Variants in USP15 observed in about 807,000 individuals in gnomAD.
The protein encoded by USP15 is ubiquitin specific peptidase 15.
A neutral mutation model predicts 127.1 loss-of-function variants in USP15; 18 were observed. The ratio of observed to expected loss-of-function variants is 0.14; its 90% CI spans 0.10 to 0.21. The LOEUF (loss-of-function observed/expected upper bound fraction) is 0.21, where lower values mean the gene tolerates loss of function less well. USP15 is among the 10% of genes least tolerant of loss of function. The pLI, the probability that USP15 is intolerant of heterozygous loss-of-function variation, is 1.00. For missense variants in USP15, 805 were observed against 1,159.9 expected (o/e 0.69, Z 4.44); for synonymous variants, 364 against 393.7 (o/e 0.92, Z 0.89).
chr12:62,348,084 C>T (rs2065870716), intron 6 of USP15, among the ~76,000 whole-genome samples: 1 of 151,924 alleles, frequency 6.6e-6, no homozygotes, highest in African/African-American at 2.4e-5. Context: ...TGGCACACGC[C>T]TATAGTTTCA....
rs1473231687 is a variant in USP15 at position 62,389,906 on chromosome 12, C to G, written c.1762C>G (p.Leu588Val). 6.2e-7 allele frequency: 1 copy of G among 1,613,866 alleles called. No homozygotes were observed. The highest frequency in any genetic ancestry group is 1.7e-5 in the Admixed American group (1 of 60,008). Reference sequence around the variant, plus strand: ...TTATACCCACCATACTGGTTCTTCACTTTTTGGTCAGCCCTTTCTTATGGC... The same window carrying G: ...TTATACCCACCATACTGGTTCTTCAGTTTTTGGTCAGCCCTTTCTTATGGC... Reference protein sequence around the residue: ...SSYTHHTGSSLFGQPFLMAVP... With the variant: ...SSYTHHTGSSVFGQPFLMAVP... Residue 588 changes from leucine to valine, a missense_variant, in exon 14 of 22, where the codon CTT becomes GTT. By Grantham distance (32) the Leu-to-Val change is conservative. Coordinates refer to ENST00000280377, the MANE Select transcript of USP15 (RefSeq NM_001252078.2).
chr12:62,261,331 A>G lies in USP15; in HGVS notation c.89+828A>G, dbSNP rs1159655944. ...TATGTGGACATTTTCACACTTGTCGACCATATCAAGTGGCATCTACAATAA... is the reference window on the plus strand; with the variant it reads ...TATGTGGACATTTTCACACTTGTCGGCCATATCAAGTGGCATCTACAATAA... On this transcript the variant is annotated intron_variant, in intron 1 of 21. Transcript: ENST00000280377. Among the ~76,000 whole-genome samples, 4 of 152,242 alleles carry G rather than the reference A, an allele frequency of 2.6e-5. 1 individual carries two copies. In the South Asian group the frequency reaches 6.2e-4, roughly 24 times the overall value.
At chr12:62,325,965 A>G (rs191488384) in intron 6 of USP15, 32 bp downstream of exon 6, 16 of 1,578,500 alleles carry the variant, frequency 1.0e-5, no homozygotes, top group Non-Finnish European at 1.4e-5. Flanking sequence ...GGCTTATTGT[A>G]TGATTTTGAA....
chr12:62,330,585 C>CA (rs559515896), intron 6 of USP15, among the ~76,000 whole-genome samples: 29,305 of 95,172 alleles, frequency 0.31, 4,070 homozygotes, highest in African/African-American at 0.48. Flanking sequence ...GACTCCATCT[C>CA]AAAAAAAAAA....
chr12:62,384,345 T>C, intron 11 of USP15, 43 bp downstream of exon 11: 1 of 866,562 alleles, frequency 1.2e-6, no homozygotes, highest in Non-Finnish European at 1.7e-6. Flanking sequence ...TTTTTTTTTT[T>C]TGCATTTGTT....
At chr12:62,328,567 A>G (rs2065198990) in intron 6 of USP15, among the ~76,000 whole-genome samples, 1 of 152,248 alleles carries the variant, frequency 6.6e-6, no homozygotes, top group Admixed American at 6.5e-5. Flanking sequence ...TTATTAGAAA[A>G]TAAAAGATTG....
intron 1 of USP15, among the ~76,000 whole-genome samples, chr12:62,280,844 A>C (rs1380941925): frequency 6.6e-6 from 1 of 152,320 alleles, no homozygotes; most frequent in East Asian, 1.9e-4. Flanking sequence ...CTAAAGAGGT[A>C]GCTAGGGATT....
intron 4 of USP15, among the ~76,000 whole-genome samples, chr12:62,319,617 A>G (rs1322372419): frequency 6.6e-6 from 1 of 152,174 alleles, no homozygotes; most frequent in Admixed American, 6.6e-5. Context: ...AAACATGCCA[A>G]GCACATTTGC....
chr12:62,352,276 A>G (rs1043782752), intron 7 of USP15, among the ~76,000 whole-genome samples: 2 of 151,866 alleles, frequency 1.3e-5, no homozygotes, highest in African/African-American at 4.8e-5. Flanking sequence ...ATAAGTTTTT[A>G]TTAAAAACCA....
chr12:62,347,913 A>G (rs902352389), intron 6 of USP15, among the ~76,000 whole-genome samples: 1 of 152,198 alleles, frequency 6.6e-6, no homozygotes. Flanking sequence ...TAAAAGTTAA[A>G]TTAGGCCTGG....
intron 6 of USP15, among the ~76,000 whole-genome samples, chr12:62,346,652 T>C (rs917937756): frequency 6.6e-5 from 10 of 152,216 alleles, no homozygotes; most frequent in Non-Finnish European, 4.4e-5. Context: ...CTCCCAATCT[T>C]CAGTCTTTTT....
chr12:62,384,413 C>G, intron 11 of USP15, 111 bp downstream of exon 11: 1 of 774,890 alleles, frequency 1.3e-6, no homozygotes, highest in Non-Finnish European at 1.9e-6. Flanking sequence ...ATTGAATTAT[C>G]AAGCCCAATC....
chr12:62,285,655 A>G (rs1158562219), intron 1 of USP15, among the ~76,000 whole-genome samples: 2 of 152,168 alleles, frequency 1.3e-5, no homozygotes, highest in African/African-American at 2.4e-5. Context: ...GTGTATCCAT[A>G]TATGCTACAT....
intron 2 of USP15, among the ~76,000 whole-genome samples, chr12:62,295,328 A>G (rs1337897217): frequency 6.6e-6 from 1 of 152,226 alleles, no homozygotes; most frequent in Non-Finnish European, 1.5e-5. Context: ...ACTTCTGAGA[A>G]CAGTTTTACT....
intron 11 of USP15, among the ~76,000 whole-genome samples, chr12:62,388,117 ATT>A (rs58192089): frequency 0.25 from 26,409 of 105,006 alleles, 1,572 homozygotes; most frequent in East Asian, 0.34. Flanking sequence ...AATGGTGAAG[ATT>A]TTTTTTTTTT....
chr12:62,302,474 A>G (rs140702243), intron 2 of USP15, among the ~76,000 whole-genome samples: 1 of 152,344 alleles, frequency 6.6e-6, no homozygotes, highest in East Asian at 1.9e-4. Flanking sequence ...AGGCTTGTCC[A>G]ACCTGCAGCC....
At chr12:62,386,473 G>T (rs2067152491) in intron 11 of USP15, among the ~76,000 whole-genome samples, 1 of 152,034 alleles carries the variant, frequency 6.6e-6, no homozygotes, top group African/African-American at 2.4e-5. Flanking sequence ...CTCTGACAGG[G>T]TGCTGCAAGA....
intron 8 of USP15, among the ~76,000 whole-genome samples, chr12:62,357,958 A>T (rs1372643873): frequency 6.6e-6 from 1 of 152,120 alleles, no homozygotes; most frequent in Non-Finnish European, 1.5e-5. Context: ...GTTTTGTCAG[A>T]TACTATTTCT....
At chr12:62,322,902 G>T (rs1301665144) in intron 5 of USP15, among the ~76,000 whole-genome samples, 1 of 152,108 alleles carries the variant, frequency 6.6e-6, no homozygotes, top group Non-Finnish European at 1.5e-5. Flanking sequence ...ATATTCTTGT[G>T]CTTTCTGATG....
Sources: gnomAD v4.1 joint callset for allele counts (sites outside exome capture counted in the v4.1 genomes callset) on GRCh38, gnomAD v4.1.1 for gene constraint, MANE v1.5 for transcripts, NCBI Gene and HGNC (gene_info 2026-07-23, HGNC 2026-07-21) for gene names.